The following ARID1A variants were observed in gnomAD, a reference collection of about 807,000 sequenced individuals.
The protein encoded by ARID1A is AT-rich interactive domain-containing protein 1A.
In ARID1A, 20 loss-of-function variants were observed where a neutral mutation model predicts 212.6. That is an observed-to-expected ratio of 0.09 (90% CI 0.07 to 0.14). ARID1A has a LOEUF of 0.14. ARID1A is among the 10% of genes least tolerant of loss of function. ARID1A has a pLI of 1.00. For missense variants in ARID1A, 2,587 were observed against 3,059.0 expected (o/e 0.85, Z 3.64); for synonymous variants, 1,376 against 1,222.1 (o/e 1.13, Z -2.63).
chr1:26,738,298 C>T (rs1557596351), intron 4 of ARID1A, among the ~76,000 whole-genome samples: 2 of 151,822 alleles, frequency 1.3e-5, no homozygotes, highest in Admixed American at 1.3e-4. Context: ...GCTGGGATTA[C>T]AGCCATGAGC....
intron 8 of ARID1A, 93 bp from the exon 9 acceptor site, chr1:26,766,128 C>T (rs2124078408): frequency 7.1e-7 from 1 of 1,409,680 alleles, no homozygotes. Context: ...TTAATCCTTA[C>T]TAGATGATCA....
intron 1 of ARID1A, among the ~76,000 whole-genome samples, chr1:26,728,174 G>A (rs904116117): frequency 2.0e-5 from 3 of 152,130 alleles, no homozygotes; most frequent in Non-Finnish European, 2.9e-5. Flanking sequence ...TTAGAAACAT[G>A]GGGGAGGAGT....
intron 1 of ARID1A, among the ~76,000 whole-genome samples, chr1:26,719,973 C>T (rs1433910587): frequency 2.0e-5 from 3 of 147,122 alleles, no homozygotes; most frequent in Non-Finnish European, 4.5e-5. Context: ...TACAACTGGG[C>T]TGGGCGTGGT....
At chr1:26,702,345 A>G (rs984194120) in intron 1 of ARID1A, among the ~76,000 whole-genome samples, 10 of 152,216 alleles carry the variant, frequency 6.6e-5, no homozygotes, top group Admixed American at 3.9e-4. Context: ...CTGAATTTCC[A>G]TTCTTTCTCT....
intron 1 of ARID1A, among the ~76,000 whole-genome samples, chr1:26,704,374 G>A (rs1333462934): frequency 6.6e-6 from 1 of 152,188 alleles, no homozygotes; most frequent in Admixed American, 6.5e-5. Context: ...TGTCTTGGCA[G>A]AGTTAGTTGA....
intron 4 of ARID1A, among the ~76,000 whole-genome samples, chr1:26,756,945 G>T (rs918543072): frequency 6.6e-6 from 1 of 151,928 alleles, no homozygotes; most frequent in South Asian, 2.1e-4. Flanking sequence ...CTTGTGATCC[G>T]CCCGCCTCAG....
chr1:26,756,125 A>T (rs1045680147), intron 4 of ARID1A, among the ~76,000 whole-genome samples: 2 of 151,744 alleles, frequency 1.3e-5, no homozygotes, highest in Non-Finnish European at 2.9e-5. Flanking sequence ...AAAGATACAC[A>T]CCAAGGCCAG....
chr1:26,766,404 A>G (rs2124080885), intron 9 of ARID1A, 38 bp downstream of exon 9: 1 of 1,614,046 alleles, frequency 6.2e-7, no homozygotes, highest in Non-Finnish European at 8.5e-7. Flanking sequence ...TTTCTTCAAG[A>G]GTCACATCAC....
At chr1:26,728,754 C>T (rs1057083392) in intron 1 of ARID1A, among the ~76,000 whole-genome samples, 2 of 152,166 alleles carry the variant, frequency 1.3e-5, no homozygotes, top group Admixed American at 6.5e-5. Context: ...TTCCCCCTCC[C>T]CGCACACCAC....
At chr1:26,731,034 A>T in intron 2 of ARID1A, 118 bp from the exon 3 acceptor site, 1 of 1,153,492 alleles carries the variant, frequency 8.7e-7, no homozygotes, top group Non-Finnish European at 1.3e-6. Flanking sequence ...CCTCCTAAGT[A>T]TGAGGCCTTG....
rs2124148858 is a variant in ARID1A at position 26,780,317 on chromosome 1, C to A, written c.6419C>A (p.Pro2140His). 6.2e-7 allele frequency: 1 copy of A among 1,614,228 alleles called. No individual in the cohort carries two copies. Among genetic ancestry groups the A allele is most frequent in the African/African-American group, 1.3e-5 (1 of 75,050 alleles). Residue 2140 changes from proline (P) to histidine (H), a missense_variant, in exon 20 of 20, where the codon CCC (proline) becomes CAC (histidine). Physicochemically the swap from Pro to His is moderately conservative, Grantham distance 77. Transcript: ENST00000324856. The surrounding 1 kb of genome is among the most constrained non-coding windows in gnomAD (Gnocchi z 7.2). ...GTGGACCTGATTCTGGCCACACCCC[C>A]CTTCAGCCGCCTGGAGAAGTTGTAT... is the stretch of plus-strand genomic sequence containing the variant. ...NNVDLILATP[P>H]FSRLEKLYST...
At chr1:26,715,849 A>C (rs1366354301) in intron 1 of ARID1A, among the ~76,000 whole-genome samples, 1 of 152,002 alleles carries the variant, frequency 6.6e-6, no homozygotes, top group Non-Finnish European at 1.5e-5. Flanking sequence ...TTAAAAAAAA[A>C]AACATAAAAT....
intron 1 of ARID1A, among the ~76,000 whole-genome samples, chr1:26,717,095 C>T (rs934482809): frequency 4.6e-5 from 7 of 152,228 alleles, no homozygotes; most frequent in Admixed American, 4.6e-4. Context: ...TTGAATACTA[C>T]TGGCTGTACT....
At chr1:26,697,630 C>T (rs1359072659) in intron 1 of ARID1A, 90 bp downstream of exon 1, 3 of 1,193,658 alleles carry the variant, frequency 2.5e-6, no homozygotes, top group Admixed American at 4.3e-5. Context: ...CTTGGGCTCC[C>T]CTCAGTCCCG....
At chr1:26,699,519 G>A (rs1399269642) in intron 1 of ARID1A, among the ~76,000 whole-genome samples, 1 of 152,228 alleles carries the variant, frequency 6.6e-6, no homozygotes, top group Non-Finnish European at 1.5e-5. Context: ...GAAATTAGCT[G>A]TGTTAGATGG....
In ARID1A at chr1:26,781,357, C is replaced by T. The variant is rs2081193033; in HGVS notation, c.*601C>T. 8.6e-6 allele frequency: 2 copies of T among 233,042 alleles called. No homozygotes were observed. Among genetic ancestry groups the T allele is most frequent in the Non-Finnish European group, 1.7e-5 (2 of 117,964 alleles). 14.4% of individuals were successfully genotyped at this position (233,042 alleles called of 1,614,324 possible). A position where few individuals can be genotyped will look rare whatever the true frequency, so the allele number is the denominator to read the frequency against. On this transcript the variant is annotated 3_prime_UTR_variant, in exon 20 of 20. Transcript: ENST00000324856. ...CATGTACTGTACTGTACACCTGATA[C>T]TGTAAACATACTGTAATAATAATGT...
In ARID1A at chr1:26,732,952, G is replaced by T. The variant is rs74361431; in HGVS notation, c.1920+160G>T. Among the ~76,000 whole-genome samples the T allele has an allele frequency of 5.1e-3, 770 of 152,276 alleles. 4 individuals are homozygous for T. The highest frequency in any genetic ancestry group is 8.8e-3 in the Non-Finnish European group (597 of 68,016). On this transcript the variant is annotated intron_variant, in intron 4 of 19. Coordinates refer to ENST00000324856, the MANE Select transcript of ARID1A (RefSeq NM_006015.6). Reference sequence around the variant, plus strand: ...AGGCTGACTTGTAGATGTCTGTTCTGTCTCCCTGCCCAGGGAATAGGTTTG... The same window carrying T: ...AGGCTGACTTGTAGATGTCTGTTCTTTCTCCCTGCCCAGGGAATAGGTTTG...
In ARID1A at chr1:26,696,671, A is replaced by AGCCGGCG; in HGVS notation, c.270_271insCGGCGGC (p.Gly91ArgfsTer22). ...GGGTGGCGGCGGCGGCGGAGCCGGC[A>AGCCGGCG]GCGGCGGCGGGCCCGGCGCGGAGCC... On this transcript the variant is annotated frameshift_variant, in exon 1 of 20. Transcript: ENST00000324856. LOFTEE classifies it high-confidence loss of function. 1 of 1,317,530 alleles carries AGCCGGCG rather than the reference A, an allele frequency of 7.6e-7. No individual in the cohort carries two copies. Among genetic ancestry groups the AGCCGGCG allele is most frequent in the Non-Finnish European group, 9.7e-7 (1 of 1,035,122 alleles). The allele number at this position is 1,317,530 out of a possible 1,614,324, so 81.6% of individuals were successfully genotyped here. A position where few individuals can be genotyped will look rare whatever the true frequency, so the allele number is the denominator to read the frequency against.
rs2081008486 is a variant in ARID1A at position 26,763,197 on chromosome 1, G to A, written c.2644G>A (p.Gly882Arg). The change falls in exon 8 of 20, where the codon GGG becomes AGG. Residue 882 changes from glycine to arginine, a missense_variant. Transcript: ENST00000324856. Reference sequence around the variant, plus strand: ...CAATATGCCACCTCAGGTTGGGTCAGGGATGTGTCCCCCACCAGGGGGCAT... The same window carrying A: ...CAATATGCCACCTCAGGTTGGGTCAAGGATGTGTCCCCCACCAGGGGGCAT... ...MANMPPQVGS[G>R]MCPPPGGMNR... 6.2e-7 allele frequency: 1 copy of A among 1,614,264 alleles called. No individual in the cohort carries two copies. Among genetic ancestry groups the A allele is most frequent in the Non-Finnish European group, 8.5e-7 (1 of 1,180,048 alleles).
Sources: allele counts gnomAD v4.1 joint callset (sites outside exome capture counted in the v4.1 genomes callset), GRCh38; gene constraint gnomAD v4.1.1; non-coding constraint Gnocchi (gnomAD v3.1); transcripts MANE v1.5; gene names NCBI Gene and HGNC (gene_info 2026-07-23, HGNC 2026-07-21).